The following MLIP variants were observed in gnomAD, a reference collection of about 807,000 sequenced individuals.
MLIP encodes the protein muscular LMNA-interacting protein.
In MLIP, 79 loss-of-function variants were observed where a neutral mutation model predicts 84.8. That is an observed-to-expected ratio of 0.93 (90% CI 0.78 to 1.12). The LOEUF (loss-of-function observed/expected upper bound fraction) is 1.12, where lower values mean the gene tolerates loss of function less well. Among genes scored for constraint, MLIP ranks in the 50% most tolerant of loss-of-function variants. The probability of loss-of-function intolerance (pLI) is 0.00; values close to 1 mark genes in which losing one functional copy is unlikely to be tolerated. For missense variants in MLIP, 1,257 were observed against 1,160.6 expected (o/e 1.08, Z -1.21); for synonymous variants, 504 against 463.0 (o/e 1.09, Z -1.14).
rs1412345830 is a variant in MLIP at position 54,151,160 on chromosome 6, G to T, written c.2289+2033G>T. 2.0e-5 allele frequency among the ~76,000 whole-genome samples: 3 copies of T among 151,990 alleles called. No homozygotes were observed. The East Asian group carries it at 5.8e-4, about 29-fold the overall frequency. On this transcript the variant is annotated intron_variant, in intron 5 of 13. Coordinates refer to ENST00000502396, the MANE Select transcript of MLIP (RefSeq NM_001281747.2). ...TATTCAAAGGTCTCAGATGTTAAGT[G>T]AATTTTTTTTTCTTTAGGTCCTTTA...
At chr6:54,138,836 T>C (rs1246685108) in intron 4 of MLIP, among the ~76,000 whole-genome samples, 1 of 152,154 alleles carries the variant, frequency 6.6e-6, no homozygotes, top group Admixed American at 6.5e-5. Context: ...GTAATTCAGA[T>C]TGTGGATCAC....
chr6:54,258,591 G>T lies in MLIP; in HGVS notation c.2976+1230G>T, dbSNP rs886441104. 7.2e-4 allele frequency among the ~76,000 whole-genome samples: 110 copies of T among 151,970 alleles called. 1 individual carries two copies. Among genetic ancestry groups the T allele is most frequent in the Admixed American group, 1.8e-3 (28 of 15,200 alleles). Reference sequence around the variant, plus strand: ...GGAAAATTGTAGTAATTTACCACATGAGGAGTGTGTTATAATAATATCTGT... The same window carrying T: ...GGAAAATTGTAGTAATTTACCACATTAGGAGTGTGTTATAATAATATCTGT... On this transcript the variant is annotated intron_variant, in intron 13 of 13. Transcript: ENST00000502396.
chr6:54,183,655 T>C (rs1777106215), intron 9 of MLIP, among the ~76,000 whole-genome samples: 1 of 151,800 alleles, frequency 6.6e-6, no homozygotes, highest in Non-Finnish European at 1.5e-5. Context: ...CTTAAAAAAA[T>C]TTCTATATCT....
At chr6:54,117,319 G>A (rs899948886) in intron 1 of MLIP, among the ~76,000 whole-genome samples, 1 of 147,370 alleles carries the variant, frequency 6.8e-6, no homozygotes, top group Non-Finnish European at 1.5e-5. Flanking sequence ...GGTTCATGCT[G>A]TTCTCCTGCC....
chr6:54,144,081 C>T (rs1277470030), intron 4 of MLIP, among the ~76,000 whole-genome samples: 1 of 152,152 alleles, frequency 6.6e-6, no homozygotes, highest in Non-Finnish European at 1.5e-5. Flanking sequence ...GTTGTATCCT[C>T]CACCTCTAGC....
At chr6:54,139,255 G>T (rs1772091241) in intron 4 of MLIP, among the ~76,000 whole-genome samples, 2 of 152,136 alleles carry the variant, frequency 1.3e-5, no homozygotes, top group Admixed American at 1.3e-4. Context: ...TAAATCTACA[G>T]TACAGCTAGA....
chr6:54,090,469 TA>T (rs1767791558), intron 1 of MLIP, among the ~76,000 whole-genome samples: 1 of 152,168 alleles, frequency 6.6e-6, no homozygotes, highest in African/African-American at 2.4e-5. Flanking sequence ...TATTTTAACT[TA>T]TTTTCACATT....
intron 1 of MLIP, among the ~76,000 whole-genome samples, chr6:54,048,750 G>A (rs1765214945): frequency 6.6e-6 from 1 of 152,140 alleles, no homozygotes; most frequent in African/African-American, 2.4e-5. Flanking sequence ...AGTATCTGTG[G>A]GTAGGAGGCT....
At chr6:54,172,055 T>A (rs1775824468) in intron 9 of MLIP, among the ~76,000 whole-genome samples, 1 of 151,460 alleles carries the variant, frequency 6.6e-6, no homozygotes, top group African/African-American at 2.4e-5. Flanking sequence ...GAAGGTTGAA[T>A]AAAGGGAAGA....
chr6:54,183,889 G>A (rs1276165861), intron 9 of MLIP, among the ~76,000 whole-genome samples: 2 of 151,892 alleles, frequency 1.3e-5, no homozygotes, highest in Admixed American at 1.3e-4. Context: ...AAGTAAGGAA[G>A]GCATGATGTG....
intron 9 of MLIP, among the ~76,000 whole-genome samples, chr6:54,173,129 A>G (rs1294001537): frequency 6.6e-6 from 1 of 151,694 alleles, no homozygotes; most frequent in Non-Finnish European, 1.5e-5. Flanking sequence ...TTTAAACCAT[A>G]TATCAAAGCT....
chr6:54,024,697 C>T (rs1262713834), intron 1 of MLIP, among the ~76,000 whole-genome samples: 1 of 152,156 alleles, frequency 6.6e-6, no homozygotes, highest in African/African-American at 2.4e-5. Flanking sequence ...CGCTCAGAAA[C>T]ATTCTAAGTG....
intron 1 of MLIP, among the ~76,000 whole-genome samples, chr6:54,075,427 T>C (rs1766743714): frequency 6.6e-6 from 1 of 152,170 alleles, no homozygotes; most frequent in African/African-American, 2.4e-5. Flanking sequence ...TCAGAACTTT[T>C]ACCAATTTGA....
intron 11 of MLIP, chr6:54,216,988 CA>C (rs1391615703): frequency 1.0e-6 from 1 of 985,186 alleles, no homozygotes; most frequent in Non-Finnish European, 1.2e-6. Flanking sequence ...AAAACTGTAG[CA>C]AAAATGCTAT....
At chr6:54,079,618 C>T (rs941826947) in intron 1 of MLIP, 1 of 152,218 alleles carries the variant, frequency 6.6e-6, no homozygotes, top group Non-Finnish European at 1.5e-5. Flanking sequence ...CATCAGATGT[C>T]TTGAATATTC....
intron 12 of MLIP, among the ~76,000 whole-genome samples, chr6:54,252,088 A>AAT (rs1271525147): frequency 2.4e-4 from 19 of 77,744 alleles, no homozygotes; most frequent in African/African-American, 6.0e-4. Context: ...ATATAATATA[A>AAT]ATATATATTA....
intron 5 of MLIP, among the ~76,000 whole-genome samples, chr6:54,155,985 C>T (rs1270206518): frequency 6.6e-6 from 1 of 151,828 alleles, no homozygotes; most frequent in East Asian, 1.9e-4. Context: ...TTTTTAATAA[C>T]AATAATTTAT....
At chr6:54,217,896 T>A (rs1004683800) in intron 11 of MLIP, 7 of 984,804 alleles carry the variant, frequency 7.1e-6, no homozygotes, top group African/African-American at 1.7e-5. Flanking sequence ...TCATTTAGAA[T>A]AGTGATCTCT....
intron 1 of MLIP, among the ~76,000 whole-genome samples, chr6:54,090,686 A>T (rs72955988): frequency 0.097 from 13,131 of 135,956 alleles, 675 homozygotes; most frequent in Middle Eastern, 0.14. Flanking sequence ...TGTGTGTGTG[A>T]GACAGAGAAA....
Sources: gnomAD v4.1 joint callset for allele counts (sites outside exome capture counted in the v4.1 genomes callset) on GRCh38, gnomAD v4.1.1 for gene constraint, MANE v1.5 for transcripts, NCBI Gene and HGNC (gene_info 2026-07-23, HGNC 2026-07-21) for gene names.